The following LAPTM4B variants were observed in gnomAD, a reference collection of about 807,000 sequenced individuals.
LAPTM4B encodes the protein lysosomal-associated transmembrane protein 4B.
A neutral mutation model predicts 28.5 loss-of-function variants in LAPTM4B; 26 were observed. That is an observed-to-expected ratio of 0.91 (90% confidence interval 0.67 to 1.27). LAPTM4B has a LOEUF of 1.27. Ranked by LOEUF, LAPTM4B falls within the 50% of genes most tolerant of loss-of-function variation. The pLI, the probability that LAPTM4B is intolerant of heterozygous loss-of-function variation, is 0.00. For missense variants in LAPTM4B, 288 were observed against 285.8 expected (o/e 1.01, Z -0.06); for synonymous variants, 109 against 106.4 (o/e 1.02, Z -0.15).
intron 2 of LAPTM4B, among the ~76,000 whole-genome samples, chr8:97,813,673 C>T (rs1816861179): frequency 6.6e-6 from 1 of 151,884 alleles, no homozygotes. Flanking sequence ...CTTTCATGCT[C>T]TTAACGTGCT....
intron 6 of LAPTM4B, among the ~76,000 whole-genome samples, chr8:97,826,034 C>G (rs1242887025): frequency 2.0e-5 from 3 of 152,074 alleles, no homozygotes; most frequent in African/African-American, 4.8e-5. Context: ...TTGTTTTTTT[C>G]TGGTGACTTG....
At chr8:97,784,282 C>T (rs1816369211) in intron 1 of LAPTM4B, among the ~76,000 whole-genome samples, 1 of 152,144 alleles carries the variant, frequency 6.6e-6, no homozygotes, top group Non-Finnish European at 1.5e-5. Context: ...GCAATTGTGT[C>T]ATCTTTATTG....
chr8:97,804,459 A>G (rs1816730319), intron 1 of LAPTM4B, among the ~76,000 whole-genome samples: 1 of 152,140 alleles, frequency 6.6e-6, no homozygotes, highest in South Asian at 2.1e-4. Context: ...AGGTTTTGGA[A>G]CCTAAATTCC....
chr8:97,838,160 G>A (rs1485898120), intron 6 of LAPTM4B, among the ~76,000 whole-genome samples: 1 of 152,160 alleles, frequency 6.6e-6, no homozygotes, highest in Middle Eastern at 3.2e-3. Context: ...AGATCATTGA[G>A]GGAACTGGAA....
chr8:97,789,038 CTTTATTTATTTATTTATTTA>C (rs71570264), intron 1 of LAPTM4B, among the ~76,000 whole-genome samples: 35,323 of 140,670 alleles, frequency 0.25, 4,806 homozygotes, highest in East Asian at 0.36. Context: ...GGTGCTCACT[CTTTATTTATTTATTTATTTA>C]TTTATTTATT....
intron 1 of LAPTM4B, among the ~76,000 whole-genome samples, chr8:97,782,906 T>TTTTATTTGTTTA (rs1554588791): frequency 6.7e-5 from 9 of 135,078 alleles, no homozygotes; most frequent in African/African-American, 2.2e-4. Context: ...TAATTTTGTA[T>TTTTATTTGTTTA]TTTATTTATT....
rs540254181 is a variant in LAPTM4B, at chr8:97,846,094, A to G, written c.604-5303A>G. On this transcript the variant is annotated intron_variant, in intron 6 of 6. Transcript: ENST00000521545. The stretch of plus-strand genomic sequence containing the variant: ...GTTCTGGAACTCCTGAGGTCAAGCA[A>G]TCCTCCTGCTTTGGCTTCCAAAAGT... Among the ~76,000 whole-genome samples the G allele has an allele frequency of 4.6e-5, 7 of 151,092 alleles. No homozygotes were observed. In the South Asian group the frequency reaches 6.3e-4, roughly 14 times the overall value.
At chr8:97,804,516 G>A (rs917487838) in intron 1 of LAPTM4B, among the ~76,000 whole-genome samples, 1 of 152,166 alleles carries the variant, frequency 6.6e-6, no homozygotes, top group Admixed American at 6.5e-5. Context: ...TTGTTCCTGG[G>A]CAGTGTTTTT....
chr8:97,787,698 G>C (rs573518109), intron 1 of LAPTM4B, among the ~76,000 whole-genome samples: 1 of 151,482 alleles, frequency 6.6e-6, no homozygotes, highest in Non-Finnish European at 1.5e-5. Context: ...TTGTATTTTA[G>C]TGTCCTTTTC....
At chr8:97,810,362 G>A (rs1261243887) in intron 2 of LAPTM4B, among the ~76,000 whole-genome samples, 1 of 148,538 alleles carries the variant, frequency 6.7e-6, no homozygotes, top group Non-Finnish European at 1.5e-5. Flanking sequence ...AGGGGAACAG[G>A]TAAAATTCAA....
In LAPTM4B at chr8:97,782,697, A is replaced by G. The variant is rs149209115; in HGVS notation, c.99+6589A>G. Among the ~76,000 whole-genome samples the G allele has an allele frequency of 4.5e-3, 675 of 149,490 alleles. 2 individuals carry two copies. The highest frequency in any genetic ancestry group is 0.014 in the African/African-American group (560 of 40,620). ...CTGATCCACCTGCTTCGGCCTCCCA[A>G]AGTGCTGGGATTACGGGCGTGAGCC... On this transcript the variant is annotated intron_variant, in intron 1 of 6. Transcript: ENST00000521545.
At position 97,806,977 on chromosome 8, in the gene LAPTM4B, C is replaced by T. The variant is rs568847179; in HGVS notation, c.211+1513C>T. ...CTTTTTCTTCATTCTGTCTTGTCAC[C>T]GCCATGTAAGAAGTCCCTTTCACCC... On this transcript the variant is annotated intron_variant, in intron 2 of 6. Coordinates refer to ENST00000521545, the MANE Select transcript of LAPTM4B (RefSeq NM_018407.6). Among the ~76,000 whole-genome samples, 109 of 152,180 alleles carry T rather than the reference C, an allele frequency of 7.2e-4. 1 individual carries two copies. In the South Asian group the frequency reaches 0.021, roughly 30 times the overall value.
At chr8:97,824,620 G>A (rs77291457) in intron 5 of LAPTM4B, among the ~76,000 whole-genome samples, 1,951 of 152,252 alleles carry the variant, frequency 0.013, 48 homozygotes, top group African/African-American at 0.043. Flanking sequence ...ATCGACTTGT[G>A]TAATAAAATC....
In LAPTM4B at chr8:97,785,195, C is replaced by T. The variant is rs139945492; in HGVS notation, c.99+9087C>T. ...CCACCTCCCGGGTTCAAGCCCTTCT[C>T]TTGCCTCAGCCTCCCGAGTACATGG... On this transcript the variant is annotated intron_variant, in intron 1 of 6. Coordinates refer to ENST00000521545, the MANE Select transcript of LAPTM4B (RefSeq NM_018407.6). Among the ~76,000 whole-genome samples the T allele has an allele frequency of 1.8e-3, 276 of 152,042 alleles. 10 individuals carry two copies. The East Asian group carries it at 0.027, about 15-fold the overall frequency.
At chr8:97,843,320 A>G (rs1817380486) in intron 6 of LAPTM4B, among the ~76,000 whole-genome samples, 1 of 152,086 alleles carries the variant, frequency 6.6e-6, no homozygotes, top group Admixed American at 6.5e-5. Context: ...CCAGCTACTC[A>G]GGAGGCTGAG....
At chr8:97,849,825 C>G (rs1333046045) in intron 6 of LAPTM4B, among the ~76,000 whole-genome samples, 5 of 151,800 alleles carry the variant, frequency 3.3e-5, no homozygotes, top group African/African-American at 1.2e-4. Flanking sequence ...CCCGCCTGCC[C>G]GCCCCCGGTT....
chr8:97,846,384 A>G (rs978430553), intron 6 of LAPTM4B, among the ~76,000 whole-genome samples: 3 of 148,712 alleles, frequency 2.0e-5, no homozygotes, highest in Non-Finnish European at 4.4e-5. Context: ...GCTGGAGTGC[A>G]ATGCGCGATC....
chr8:97,795,269 A>G (rs1017201577), intron 1 of LAPTM4B, among the ~76,000 whole-genome samples: 18 of 151,752 alleles, frequency 1.2e-4, no homozygotes, highest in African/African-American at 4.1e-4. Context: ...CTGGCTAAAT[A>G]TTATTATTAT....
In LAPTM4B at chr8:97,819,137, C is replaced by T. The variant is rs1467873908; in HGVS notation, c.409-3C>T. The T allele has an allele frequency of 1.3e-6, 2 of 1,585,898 alleles. No individual in the cohort carries two copies. The highest frequency in any genetic ancestry group is 8.6e-7 in the Non-Finnish European group (1 of 1,160,574). Reference sequence around the variant, plus strand: ...TTGCTAATGAGGCCCTTTTCTTTTGCAGCCTCCTAATTTTCCCTACAGAGA... The same window carrying T: ...TTGCTAATGAGGCCCTTTTCTTTTGTAGCCTCCTAATTTTCCCTACAGAGA... On this transcript the variant is annotated splice_region_variant and splice_polypyrimidine_tract_variant and intron_variant, in intron 4 of 6. Coordinates refer to ENST00000521545, the MANE Select transcript of LAPTM4B (RefSeq NM_018407.6).
Sources: allele counts gnomAD v4.1 joint callset (sites outside exome capture counted in the v4.1 genomes callset), GRCh38; gene constraint gnomAD v4.1.1; transcripts MANE v1.5; gene names NCBI Gene and HGNC (gene_info 2026-07-23, HGNC 2026-07-21).